The following ZZZ3 variants were observed in gnomAD, a reference collection of about 807,000 sequenced individuals.
The protein encoded by ZZZ3 is zinc finger ZZ-type containing 3, also known as ZZ-type zinc finger-containing protein 3.
In ZZZ3, 22 loss-of-function variants were observed where a neutral mutation model predicts 95.2. That is an observed-to-expected ratio of 0.23 (90% confidence interval 0.17 to 0.33). ZZZ3 has a LOEUF of 0.33. ZZZ3 is among the 10% of genes least tolerant of loss of function. The pLI, the probability that ZZZ3 is intolerant of heterozygous loss-of-function variation, is 1.00. For missense variants in ZZZ3, 885 were observed against 1,066.5 expected, an observed-to-expected ratio of 0.83 and a Z score of 2.37; for synonymous variants, 335 against 358.9, an observed-to-expected ratio of 0.93 and a Z score of 0.75.
intron 1 of ZZZ3, among the ~76,000 whole-genome samples, chr1:77,673,074 A>G (rs1449004394): frequency 6.6e-6 from 1 of 152,182 alleles, no homozygotes; most frequent in Admixed American, 6.5e-5. Flanking sequence ...AATTTCAACA[A>G]CTATTGGCCA....
chr1:77,666,999 C>T (rs557410387), intron 1 of ZZZ3, among the ~76,000 whole-genome samples: 4 of 152,152 alleles, frequency 2.6e-5, no homozygotes, highest in South Asian at 4.2e-4. Context: ...AGTATAAATG[C>T]CATTTTACTC....
At chr1:77,665,278 G>A (rs979927792) in intron 1 of ZZZ3, among the ~76,000 whole-genome samples, 1 of 152,140 alleles carries the variant, frequency 6.6e-6, no homozygotes, top group African/African-American at 2.4e-5. Flanking sequence ...TCTGTGACAT[G>A]AGAAAAACCA....
At chr1:77,582,737 A>G (rs1269719157) in intron 6 of ZZZ3, among the ~76,000 whole-genome samples, 1 of 149,762 alleles carries the variant, frequency 6.7e-6, no homozygotes. Flanking sequence ...AATTTAATAT[A>G]TTTCCATGTA....
intron 1 of ZZZ3, among the ~76,000 whole-genome samples, chr1:77,651,598 G>A (rs796175336): frequency 5.9e-5 from 9 of 152,290 alleles, no homozygotes; most frequent in African/African-American, 2.2e-4. Flanking sequence ...GAAATGTCAC[G>A]TCATTGCTTA....
chr1:77,575,915 G>A (rs1435985674), intron 12 of ZZZ3, among the ~76,000 whole-genome samples, 153 bp downstream of exon 12: 1 of 152,148 alleles, frequency 6.6e-6, no homozygotes, highest in Non-Finnish European at 1.5e-5. Context: ...GTATATGTTT[G>A]AAATTTTCCT....
chr1:77,590,421 A>G (rs755325128), intron 5 of ZZZ3, among the ~76,000 whole-genome samples: 4 of 152,240 alleles, frequency 2.6e-5, no homozygotes, highest in Admixed American at 6.5e-5. Flanking sequence ...GAGTCTAACT[A>G]AAGTTTTATT....
chr1:77,683,194 A>G (rs1192525159), upstream of ZZZ3: 1 of 26,784 alleles, frequency 3.7e-5, no homozygotes, highest in Non-Finnish European at 7.0e-5. Flanking sequence ...TCCCACCCCC[A>G]TTCCCTCCCC....
At chr1:77,581,220 G>A (rs963577619) in intron 8 of ZZZ3, 151 bp from the exon 9 acceptor site, 2 of 641,290 alleles carry the variant, frequency 3.1e-6, no homozygotes, top group Non-Finnish European at 5.4e-6. Context: ...TTTTTTAACT[G>A]TTTACAAAAT....
intron 5 of ZZZ3, among the ~76,000 whole-genome samples, chr1:77,586,367 T>G (rs1663078498): frequency 6.6e-6 from 1 of 152,144 alleles, no homozygotes. Context: ...TGTGAATCTA[T>G]TAAAACTTCA....
intron 5 of ZZZ3, among the ~76,000 whole-genome samples, chr1:77,589,797 T>A (rs1663492600): frequency 6.6e-6 from 1 of 152,000 alleles, no homozygotes; most frequent in African/African-American, 2.4e-5. Context: ...TAGGCAGTAA[T>A]ATTACATACA....
rs189537418 is a variant in ZZZ3 at position 77,604,516 on chromosome 1, A to C, written c.1506-19861T>G. Reference sequence around the variant, plus strand: ...AAAATCTTCGTAAATCAAGAAAGCAAGAATTACCAGCATCATCTACTAGAA... The same window carrying C: ...AAAATCTTCGTAAATCAAGAAAGCACGAATTACCAGCATCATCTACTAGAA... On this transcript the variant is annotated intron_variant, in intron 5 of 14. Coordinates refer to ENST00000370801, the MANE Select transcript of ZZZ3 (RefSeq NM_015534.6). Among the ~76,000 whole-genome samples the C allele has an allele frequency of 2.2e-3, 333 of 152,360 alleles. 1 individual carries two copies. Among genetic ancestry groups the C allele is most frequent in the African/African-American group, 7.9e-3 (327 of 41,584 alleles).
Position 77,633,131 on chromosome 1 carries a change from C to T in ZZZ3, c.224G>A (p.Ser75Asn). ...AGGGCTTACCCATGATTCTCGGGTA[C>T]TCTGCTGTTTTAAATCAGTGGTTCT... ...NGRTTDLKQQ[S>N]TRESWVSPRK... The change falls in exon 5 of 15, where the codon AGT becomes AAT. Residue 75 changes from serine to asparagine, a missense_variant. This residue lies in a region of ZZZ3 where 556 missense variants were observed against 652.9 expected (regional missense o/e 0.85). Transcript: ENST00000370801. The T allele has an allele frequency of 6.2e-7, 1 of 1,613,958 alleles. No homozygotes were observed. Among genetic ancestry groups the T allele is most frequent in the Non-Finnish European group, 8.5e-7 (1 of 1,179,988 alleles).
Position 77,598,911 on chromosome 1 carries a change from C to G in ZZZ3, c.1506-14256G>C, listed in dbSNP as rs927938472. On this transcript the variant is annotated intron_variant, in intron 5 of 14. Transcript: ENST00000370801. Reference sequence around the variant, plus strand: ...CTTTAGCTATTAAGTAAGTACACTTCTACTGTTTCAATTTTAGTGCTTTAG... The same window carrying G: ...CTTTAGCTATTAAGTAAGTACACTTGTACTGTTTCAATTTTAGTGCTTTAG... Among the ~76,000 whole-genome samples, 4 of 152,136 alleles carry G rather than the reference C, an allele frequency of 2.6e-5. No individual in the cohort carries two copies. In the East Asian group the frequency reaches 7.7e-4, roughly 29 times the overall value.
chr1:77,565,565 A>C lies in ZZZ3; in HGVS notation c.*75T>G. 6.7e-7 allele frequency: 1 copy of C among 1,492,774 alleles called. No homozygotes were observed. Among genetic ancestry groups the C allele is most frequent in the Non-Finnish European group, 9.1e-7 (1 of 1,094,194 alleles). The allele number at this position is 1,492,774 out of a possible 1,614,324, so 92.5% of individuals were successfully genotyped here. On this transcript the variant is annotated 3_prime_UTR_variant, in exon 15 of 15. Transcript: ENST00000370801. ...TTCTGGGAAAGCAGAGAATCTTTCCAAACTGTGCACATAATTAACAATGAT... is the reference window on the plus strand; with the variant it reads ...TTCTGGGAAAGCAGAGAATCTTTCCCAACTGTGCACATAATTAACAATGAT...
chr1:77,591,367 T>A (rs989383568), intron 5 of ZZZ3, among the ~76,000 whole-genome samples: 1 of 152,250 alleles, frequency 6.6e-6, no homozygotes, highest in African/African-American at 2.4e-5. Context: ...TCTTTCATTA[T>A]AGATGGTGTC....
intron 5 of ZZZ3, among the ~76,000 whole-genome samples, chr1:77,614,167 ACC>A (rs1274907221): frequency 5.9e-5 from 9 of 152,182 alleles, no homozygotes; most frequent in African/African-American, 2.2e-4. Flanking sequence ...CTTAAACACA[ACC>A]CTTAAATTAC....
At chr1:77,683,111 CCGTCGCAGT>C (rs1410189917), upstream of ZZZ3, among the ~76,000 whole-genome samples, 1 of 49,036 alleles carries the variant, frequency 2.0e-5, no homozygotes, top group South Asian at 1.0e-3. Flanking sequence ...GCCGTCGCAG[CCGTCGCAGT>C]CGTCGCCTCC....
At chr1:77,610,593 AC>A (rs1665692998) in intron 5 of ZZZ3, among the ~76,000 whole-genome samples, 1 of 152,030 alleles carries the variant, frequency 6.6e-6, no homozygotes, top group Non-Finnish European at 1.5e-5. Flanking sequence ...ATTCAACAAT[AC>A]ATTAAAAAAA....
At chr1:77,570,645 T>C (rs1181678585) in intron 12 of ZZZ3, among the ~76,000 whole-genome samples, 1 of 150,082 alleles carries the variant, frequency 6.7e-6, no homozygotes, top group South Asian at 2.1e-4. Context: ...CCTGTTATTT[T>C]ATTTTTATTT....
Sources: allele counts gnomAD v4.1 joint callset (sites outside exome capture counted in the v4.1 genomes callset), GRCh38; gene constraint gnomAD v4.1.1; regional missense constraint gnomAD v4.1.1; transcripts MANE v1.5; gene names NCBI Gene and HGNC (gene_info 2026-07-23, HGNC 2026-07-21).